The following GIGYF1 variants were observed in gnomAD, a reference collection of about 807,000 sequenced individuals.
GIGYF1 encodes the protein GRB10 interacting GYF protein 1.
Under a neutral mutation model 147.1 loss-of-function variants are expected in GIGYF1, and 84 were observed. That is an observed-to-expected ratio of 0.57 (90% CI 0.48 to 0.68). The LOEUF (loss-of-function observed/expected upper bound fraction) is 0.68, where lower values mean the gene tolerates loss of function less well. Ranked by LOEUF, GIGYF1 falls within the 30% of genes least tolerant of loss-of-function variation. The pLI, the probability that GIGYF1 is intolerant of heterozygous loss-of-function variation, is 0.00. For missense variants in GIGYF1, 1,485 were observed against 1,393.7 expected, an observed-to-expected ratio of 1.07 and a Z score of -1.04; for synonymous variants, 752 against 589.5, an observed-to-expected ratio of 1.28 and a Z score of -3.99.
At position 100,681,619 on chromosome 7, in the gene GIGYF1, C is replaced by G. The variant is rs1804775786; in HGVS notation, c.*100G>C. Reference sequence around the variant, plus strand: ...AGTGCTGGGGACCCCGCCCCTGCCTCTTCCTGTGCTCTCTGCGGGGAGCCT... The same window carrying G: ...AGTGCTGGGGACCCCGCCCCTGCCTGTTCCTGTGCTCTCTGCGGGGAGCCT... On this transcript the variant is annotated 3_prime_UTR_variant, in exon 27 of 27. Transcript: ENST00000678049. The G allele has an allele frequency of 2.5e-6, 3 of 1,183,674 alleles. No individual in the cohort carries two copies. In the South Asian group the frequency reaches 4.9e-5, roughly 19 times the overall value. The allele number at this position is 1,183,674 out of a possible 1,614,324, so 73.3% of individuals were successfully genotyped here. A position where few individuals can be genotyped will look rare whatever the true frequency, so the allele number is the denominator to read the frequency against.
rs777957103 is a variant in GIGYF1 at position 100,683,161 on chromosome 7, T to G, written c.2263A>C (p.Ser755Arg). The G allele has an allele frequency of 6.9e-6, 11 of 1,602,214 alleles. No homozygotes were observed. The highest frequency in any genetic ancestry group is 9.3e-6 in the Non-Finnish European group (11 of 1,177,948). Residue 755 changes from serine to arginine, a missense_variant, in exon 22 of 27, where the codon AGC (serine) becomes CGC (arginine). Physicochemically the swap from Ser to Arg is moderately radical, Grantham distance 110 (BLOSUM62 -1). Transcript: ENST00000678049. Reference sequence around the variant, plus strand: ...CCAGCCCAGAGTGGGGGCGGGGAGCTGGGTGCGGGGGGCACAGGGACCGCC... The same window carrying G: ...CCAGCCCAGAGTGGGGGCGGGGAGCGGGGTGCGGGGGGCACAGGGACCGCC... ...QQAVPVPPAP[S>R]SPPPLWAGLA...
At chr7:100,687,116 G>T in intron 8 of GIGYF1, 70 bp from the exon 9 acceptor site, 1 of 1,593,976 alleles carries the variant, frequency 6.3e-7, no homozygotes, top group East Asian at 2.2e-5. Flanking sequence ...ACCGCCCCAT[G>T]CCTTGTCCAC....
rs181902629 is a variant in GIGYF1, at chr7:100,686,983, C to T, written c.523+23G>A. ...TCTTGGTCCTCCCTGCCGCCCCGGC[C>T]GCCGCCCTCAGCAGCCTCGTACCTC... On this transcript the variant is annotated intron_variant, in intron 9 of 26. Transcript: ENST00000678049. The T allele has an allele frequency of 6.0e-3, 9,718 of 1,613,594 alleles. 59 individuals carry two copies. Among genetic ancestry groups the T allele is most frequent in the Non-Finnish European group, 6.1e-3 (7,192 of 1,179,668 alleles).
intron 12 of GIGYF1, 78 bp downstream of exon 12, chr7:100,685,893 GGCA>G: frequency 8.7e-7 from 1 of 1,147,142 alleles, no homozygotes; most frequent in Non-Finnish European, 1.3e-6. Context: ...CAGGTAGGTG[GGCA>G]GCCAATGCCC....
Position 100,684,493 on chromosome 7 carries a change from C to T in GIGYF1, c.1586G>A (p.Gly529Asp). 6.2e-7 allele frequency: 1 copy of T among 1,613,636 alleles called. No individual in the cohort carries two copies. Among genetic ancestry groups the T allele is most frequent in the Non-Finnish European group, 8.5e-7 (1 of 1,180,012 alleles). The change falls in exon 16 of 27, where the codon GGC becomes GAC. Residue 529 changes from glycine (G) to aspartate (D), a missense_variant. Transcript: ENST00000678049. ...QPLGEVIKMW[G>D]RVPFAPGPSP... ...GGGCCCTGGGGCAAAGGGCACGCGG[C>T]CCCACATCTTGATCACCTCGCCCAG...
rs1804746946 is a variant in GIGYF1, at chr7:100,681,461, A to G, written c.*258T>C. 1 of 380,416 alleles carries G rather than the reference A, an allele frequency of 2.6e-6. No homozygotes were observed. The highest frequency in any genetic ancestry group is 4.7e-6 in the Non-Finnish European group (1 of 214,908). The allele number at this position is 380,416 out of a possible 1,614,324, so 23.6% of individuals were successfully genotyped here. On this transcript the variant is annotated 3_prime_UTR_variant, in exon 27 of 27. Coordinates refer to ENST00000678049, the MANE Select transcript of GIGYF1 (RefSeq NM_001375765.1). ...GGGTGTTTAGAGTCTAGTTTTTAAC[A>G]ATATTTTTGCCTCTCCTAATGTTTT...
At position 100,686,794 on chromosome 7, in the gene GIGYF1, C is replaced by T. The variant is rs1242227312; in HGVS notation, c.549G>A (p.Gly183=). The T allele has an allele frequency of 1.2e-6, 2 of 1,614,034 alleles. No homozygotes were observed. Among genetic ancestry groups the T allele is most frequent in the East Asian group, 2.2e-5 (1 of 44,882 alleles). Residue 183 remains glycine, a synonymous_variant, in exon 10 of 27, where the codon GGG becomes GGA. Transcript: ENST00000678049. ...DGARCGFEEG[G]AGPRKEHARS... Reference sequence around the variant, plus strand: ...GGGCGTGCTCCTTCCTTGGGCCAGCCCCTCCCTCCTCAAAGCCACATCGTG... The same window carrying T: ...GGGCGTGCTCCTTCCTTGGGCCAGCTCCTCCCTCCTCAAAGCCACATCGTG...
At chr7:100,692,203 C>G (rs1434465440) in intron 1 of GIGYF1, among the ~76,000 whole-genome samples, 1 of 152,246 alleles carries the variant, frequency 6.6e-6, no homozygotes, top group Non-Finnish European at 1.5e-5. Flanking sequence ...AAAAGAGATG[C>G]AAACCCGCAT....
At chr7:100,684,200 C>G (rs759318657) in intron 17 of GIGYF1, 37 bp downstream of exon 17, 2 of 1,609,746 alleles carry the variant, frequency 1.2e-6, no homozygotes, top group Non-Finnish European at 1.7e-6. Context: ...AGAGCCAGCG[C>G]CGGGCCTTCT....
At position 100,683,585 on chromosome 7, in the gene GIGYF1, C is replaced by T. The variant is rs749853452; in HGVS notation, c.2017G>A (p.Gly673Ser). Residue 673 changes from glycine (G) to serine (S), a missense_variant, in exon 20 of 27, where the codon GGT (glycine) becomes AGT (serine). Coordinates refer to ENST00000678049, the MANE Select transcript of GIGYF1 (RefSeq NM_001375765.1). The stretch of plus-strand genomic sequence containing the variant: ...AGCTGGAGTTGTTCTAGAATTGGAC[C>T]CTGAGTCGAAGAGTTAATTGGTATG... ...WDIPINSSTQ[G>S]PILEQLQLQH... 1 of 1,614,224 alleles carries T rather than the reference C, an allele frequency of 6.2e-7. No homozygotes were observed. The highest frequency in any genetic ancestry group is 1.1e-5 in the South Asian group (1 of 91,090).
At position 100,684,011 on chromosome 7, in the gene GIGYF1, A is replaced by G. The variant is rs1584494500; in HGVS notation, c.1868+9T>C. ...CCCTGTATCCTGAGGGCTCGCACGC[A>G]CCACGCACCTGGGGGGTTTGAGCGC... is the stretch of plus-strand genomic sequence containing the variant. On this transcript the variant is annotated intron_variant, in intron 18 of 26. Transcript: ENST00000678049. The G allele has an allele frequency of 7.4e-7, 1 of 1,354,586 alleles. No individual in the cohort carries two copies. Among genetic ancestry groups the G allele is most frequent in the Non-Finnish European group, 9.9e-7 (1 of 1,013,790 alleles). The allele number at this position is 1,354,586 out of a possible 1,614,324, so 83.9% of individuals were successfully genotyped here.
chr7:100,685,596 A>G, intron 12 of GIGYF1, 115 bp from the exon 13 acceptor site: 1 of 1,178,028 alleles, frequency 8.5e-7, no homozygotes. Context: ...GGCCGAGTCC[A>G]CCACTTCACT....
In GIGYF1 at chr7:100,681,556, G is replaced by T. The variant is rs771963367; in HGVS notation, c.*163C>A. ...CCTCCCCCAGTCTGTAAAGTGCCTC[G>T]TGGTGGGTGAGTTAAGGTGCATCGT... On this transcript the variant is annotated 3_prime_UTR_variant, in exon 27 of 27. Coordinates refer to ENST00000678049, the MANE Select transcript of GIGYF1 (RefSeq NM_001375765.1). 1.9e-4 allele frequency: 91 copies of T among 476,770 alleles called. No homozygotes were observed. The highest frequency in any genetic ancestry group is 3.0e-4 in the Non-Finnish European group (83 of 279,496). 29.5% of individuals were successfully genotyped at this position (476,770 alleles called of 1,614,324 possible). A position where few individuals can be genotyped will look rare whatever the true frequency, so the allele number is the denominator to read the frequency against.
rs777006636 is a variant in GIGYF1, at chr7:100,682,494, G to T, written c.2601-12C>A. 19 of 1,609,416 alleles carry T rather than the reference G, an allele frequency of 1.2e-5. No individual in the cohort carries two copies. Among genetic ancestry groups the T allele is most frequent in the Non-Finnish European group, 1.6e-5 (19 of 1,179,592 alleles). On this transcript the variant is annotated splice_polypyrimidine_tract_variant and intron_variant, in intron 23 of 26. Transcript: ENST00000678049. ...GGCTGTATGAGTCACTGAAGGGGGAGGGTGAGTCAGGGTTGGAAATCAGCT... is the reference window on the plus strand; with the variant it reads ...GGCTGTATGAGTCACTGAAGGGGGATGGTGAGTCAGGGTTGGAAATCAGCT...
At position 100,687,308 on chromosome 7, in the gene GIGYF1, A is replaced by C; in HGVS notation, c.472T>G (p.Trp158Gly). ...CCCTCCCCGCCCCACCTGTCATCCC[A>C]GCTCTGGCTGCGCTGGATTTCCCGG... ...SPREIQRSQS[W>G]DDRGERRFEK... The change falls in exon 8 of 27, where the codon TGG (tryptophan) becomes GGG (glycine). Residue 158 changes from tryptophan (W) to glycine (G), a missense_variant. Transcript: ENST00000678049. 1 of 1,611,780 alleles carries C rather than the reference A, an allele frequency of 6.2e-7. No homozygotes were observed. The highest frequency in any genetic ancestry group is 1.3e-5 in the African/African-American group (1 of 74,752).
intron 1 of GIGYF1, among the ~76,000 whole-genome samples, chr7:100,691,518 T>TTTTTTTA (rs55839502): frequency 2.0e-5 from 3 of 151,412 alleles, no homozygotes; most frequent in African/African-American, 2.4e-5. Flanking sequence ...TTTTTTTTTT[T>TTTTTTTA]AAGAAAAACT....
rs749632847 is a variant in GIGYF1 at position 100,687,533 on chromosome 7, G to A, written c.345C>T (p.Ser115=). 1 of 1,612,434 alleles carries A rather than the reference G, an allele frequency of 6.2e-7. No homozygotes were observed. Among genetic ancestry groups the A allele is most frequent in the South Asian group, 1.1e-5 (1 of 91,012 alleles). Residue 115 remains serine (S), a synonymous_variant, in exon 7 of 27, where the codon TCC becomes TCT. Transcript: ENST00000678049. ...GGCTCCGCGTGCTGCCCCTGCCTCG[G>A]GAGGTGCCAGCCAGGGGGGGGCCAG... The part of the protein sequence containing the change: ...KGAGPPLAGT[S]RGRGSTRSRG...
intron 1 of GIGYF1, among the ~76,000 whole-genome samples, chr7:100,692,265 C>T (rs1805887993): frequency 6.6e-6 from 1 of 152,220 alleles, no homozygotes; most frequent in Admixed American, 6.5e-5. Flanking sequence ...GCCATCCCAG[C>T]AAATCACACC....
Position 100,686,173 on chromosome 7 carries a change from C to CA in GIGYF1, c.948+6dup, listed in dbSNP as rs1173012908. ...GCAGGTTCCCACCCTCGCCTCCTCA[C>CA]AGATACCTTGAGAGGCAAGAAGGCC... On this transcript the variant is annotated splice_region_variant and intron_variant, in intron 11 of 26. Coordinates refer to ENST00000678049, the MANE Select transcript of GIGYF1 (RefSeq NM_001375765.1). The CA allele has an allele frequency of 1.9e-6, 3 of 1,605,660 alleles. No individual in the cohort carries two copies. Among genetic ancestry groups the CA allele is most frequent in the Non-Finnish European group, 2.6e-6 (3 of 1,174,926 alleles).
Sources: gnomAD v4.1 joint callset for allele counts (sites outside exome capture counted in the v4.1 genomes callset) on GRCh38, gnomAD v4.1.1 for gene constraint, MANE v1.5 for transcripts, NCBI Gene and HGNC (gene_info 2026-07-23, HGNC 2026-07-21) for gene names.